Variants in ATP8B4 observed in about 807,000 individuals in gnomAD.
The protein encoded by ATP8B4 is probable phospholipid-transporting ATPase IM.
ATP8B4 carries 133 observed loss-of-function variants against 145.6 expected under a neutral mutation model. The ratio of observed to expected loss-of-function variants is 0.91; its 90% CI spans 0.79 to 1.05. ATP8B4 has a LOEUF of 1.05. Among genes scored for constraint, ATP8B4 ranks in the 50% least tolerant of loss-of-function variants. The pLI, the probability that ATP8B4 is intolerant of heterozygous loss-of-function variation, is 0.00. For missense variants in ATP8B4, 1,458 were observed against 1,425.2 expected, an observed-to-expected ratio of 1.02 and a Z score of -0.37; for synonymous variants, 507 against 492.9, an observed-to-expected ratio of 1.03 and a Z score of -0.38.
chr15:49,881,290 TA>T (rs1253665748), intron 23 of ATP8B4, among the ~76,000 whole-genome samples: 2 of 152,188 alleles, frequency 1.3e-5, no homozygotes, highest in Admixed American at 6.5e-5. Flanking sequence ...CTCAAGAGCA[TA>T]AATAGTAAAA....
chr15:49,979,893 A>C, intron 11 of ATP8B4, 80 bp from the exon 12 acceptor site: 1 of 967,146 alleles, frequency 1.0e-6, no homozygotes, highest in Non-Finnish European at 1.5e-6. Context: ...TACGCATCTA[A>C]CTCCAAGAAA....
At chr15:50,087,709 A>C (rs933433819) in intron 2 of ATP8B4, among the ~76,000 whole-genome samples, 5 of 152,124 alleles carry the variant, frequency 3.3e-5, no homozygotes, top group African/African-American at 1.2e-4. Flanking sequence ...TCCAAGGTTG[A>C]CCATTCTAAA....
rs748642524 is a variant in ATP8B4, at chr15:49,862,296, C to T, written c.3246G>A (p.Val1082=). The T allele has an allele frequency of 6.2e-7, 1 of 1,613,702 alleles. No homozygotes were observed. Among genetic ancestry groups the T allele is most frequent in the South Asian group, 1.1e-5 (1 of 91,044 alleles). ...LLTTVASVMP[V]VAFRFLKVDL... The stretch of plus-strand genomic sequence containing the variant: ...CCACCTTCAAAAATCTGAATGCCAC[C>T]ACTGGCATAACTGAAGCCACTGTTG... The change falls in exon 27 of 28, where the codon GTG becomes GTA. Residue 1082 remains valine, a synonymous_variant. Coordinates refer to ENST00000284509, the MANE Select transcript of ATP8B4 (RefSeq NM_024837.4).
At chr15:49,868,035 T>C (rs151268108) in intron 25 of ATP8B4, among the ~76,000 whole-genome samples, 1 of 152,252 alleles carries the variant, frequency 6.6e-6, no homozygotes, top group African/African-American at 2.4e-5. Flanking sequence ...AATGGCATTT[T>C]AGAAAGAGAA....
At chr15:50,175,908 T>C (rs1176407489) in intron 1 of ATP8B4, among the ~76,000 whole-genome samples, 1 of 152,156 alleles carries the variant, frequency 6.6e-6, no homozygotes, top group Non-Finnish European at 1.5e-5. Context: ...CGCATGTTTA[T>C]AGCAGCACAA....
chr15:50,066,774 CCT>C (rs972150703), intron 3 of ATP8B4, among the ~76,000 whole-genome samples: 4 of 152,140 alleles, frequency 2.6e-5, no homozygotes, highest in African/African-American at 7.2e-5. Context: ...TACCCCACCC[CCT>C]CTTTCTTTTT....
intron 3 of ATP8B4, among the ~76,000 whole-genome samples, chr15:50,062,975 A>C (rs1009613116): frequency 1.3e-5 from 2 of 152,114 alleles, no homozygotes; most frequent in African/African-American, 2.4e-5. Context: ...GTTTGCAAGA[A>C]TCATAGGAAT....
At chr15:49,873,499 AAAGTT>A (rs1413686737) in intron 25 of ATP8B4, among the ~76,000 whole-genome samples, 1 of 152,348 alleles carries the variant, frequency 6.6e-6, no homozygotes, top group Non-Finnish European at 1.5e-5. Context: ...CTTGTGACAC[AAAGTT>A]AAGTGAAAAA....
intron 7 of ATP8B4, among the ~76,000 whole-genome samples, chr15:50,004,040 G>A (rs557316895): frequency 1.3e-5 from 2 of 152,130 alleles, no homozygotes; most frequent in East Asian, 3.9e-4. Flanking sequence ...CCCCACCTCC[G>A]CCCATCTCCC....
intron 26 of ATP8B4, among the ~76,000 whole-genome samples, chr15:49,862,890 C>A (rs2032105789): frequency 6.6e-6 from 1 of 152,200 alleles, no homozygotes; most frequent in African/African-American, 2.4e-5. Flanking sequence ...GCCAAGCATT[C>A]TCTCACCCAG....
At chr15:49,926,420 C>T (rs1041077141) in intron 16 of ATP8B4, among the ~76,000 whole-genome samples, 2 of 152,110 alleles carry the variant, frequency 1.3e-5, no homozygotes, top group Non-Finnish European at 2.9e-5. Flanking sequence ...CCTAGAAAAT[C>T]ACTTTAACCT....
At chr15:50,017,087 C>T (rs2049148005) in intron 6 of ATP8B4, among the ~76,000 whole-genome samples, 1 of 152,166 alleles carries the variant, frequency 6.6e-6, no homozygotes, top group South Asian at 2.1e-4. Context: ...AATTTCAATA[C>T]TATAAAGTTA....
chr15:49,876,276 A>T lies in ATP8B4; in HGVS notation c.3027+2T>A. On this transcript the variant is annotated splice_donor_variant, in intron 25 of 27. Transcript: ENST00000284509. LOFTEE classifies it high-confidence loss of function. Reference sequence around the variant, plus strand: ...TTAAGGTGCTTACACCGACAGCGTTACCTGCACACTGACCACAATGACCAA... The same window carrying T: ...TTAAGGTGCTTACACCGACAGCGTTTCCTGCACACTGACCACAATGACCAA... 1.2e-6 allele frequency: 2 copies of T among 1,613,700 alleles called. No individual in the cohort carries two copies. Among genetic ancestry groups the T allele is most frequent in the South Asian group, 2.2e-5 (2 of 91,040 alleles).
intron 7 of ATP8B4, among the ~76,000 whole-genome samples, chr15:50,004,676 T>C (rs764089401): frequency 3.2e-4 from 48 of 152,202 alleles, no homozygotes. Flanking sequence ...GCAGGTCTTA[T>C]TGTTATCTCC....
intron 12 of ATP8B4, among the ~76,000 whole-genome samples, chr15:49,975,604 C>G (rs755915284): frequency 6.6e-6 from 1 of 151,992 alleles, no homozygotes; most frequent in Non-Finnish European, 1.5e-5. Flanking sequence ...ATACAAAACC[C>G]ACGTATACAA....
At chr15:50,131,730 A>G (rs1037932773) in intron 1 of ATP8B4, among the ~76,000 whole-genome samples, 50 of 146,832 alleles carry the variant, frequency 3.4e-4, no homozygotes, top group African/African-American at 1.2e-3. Flanking sequence ...AACAATATTT[A>G]TATATTATTA....
At chr15:49,893,083 G>A (rs890181745) in intron 23 of ATP8B4, among the ~76,000 whole-genome samples, 5 of 152,202 alleles carry the variant, frequency 3.3e-5, no homozygotes, top group African/African-American at 1.2e-4. Flanking sequence ...TGGAAAACCT[G>A]ACTTCAATTC....
At chr15:49,894,658 T>C (rs1285522913) in intron 23 of ATP8B4, among the ~76,000 whole-genome samples, 1 of 152,140 alleles carries the variant, frequency 6.6e-6, no homozygotes, top group East Asian at 1.9e-4. Flanking sequence ...CATAACCGCA[T>C]TTAGATCTTA....
chr15:50,041,169 C>A (rs1202800616), intron 5 of ATP8B4, among the ~76,000 whole-genome samples: 1 of 152,156 alleles, frequency 6.6e-6, no homozygotes, highest in African/African-American at 2.4e-5. Context: ...GGAACTCATG[C>A]ATCTAAATGA....
Sources: allele counts gnomAD v4.1 joint callset (sites outside exome capture counted in the v4.1 genomes callset), GRCh38; gene constraint gnomAD v4.1.1; transcripts MANE v1.5; gene names NCBI Gene and HGNC (gene_info 2026-07-23, HGNC 2026-07-21).